The following CEP128 variants were observed in gnomAD, a reference collection of about 807,000 sequenced individuals.
The protein encoded by CEP128 is centrosomal protein 128kDa.
Under a neutral mutation model 156.7 loss-of-function variants are expected in CEP128, and 132 were observed. That is an observed-to-expected ratio of 0.84 (90% confidence interval 0.73 to 0.97). CEP128 has a LOEUF of 0.97. Ranked by LOEUF, CEP128 falls within the 50% of genes least tolerant of loss-of-function variation. The pLI, the probability that CEP128 is intolerant of heterozygous loss-of-function variation, is 0.00. For missense variants in CEP128, 1,252 were observed against 1,281.9 expected (o/e 0.98, Z 0.36); for synonymous variants, 469 against 448.9 (o/e 1.04, Z -0.57).
At chr14:80,939,325 T>C (rs901222664) in intron 2 of CEP128, 60 bp downstream of exon 2, 4 of 140,608 alleles carry the variant, frequency 2.8e-5, no homozygotes, top group Non-Finnish European at 6.3e-5. Flanking sequence ...CATAGTCTTT[T>C]CTACCATAAA....
At chr14:80,649,889 G>A (rs1018238033) in intron 19 of CEP128, among the ~76,000 whole-genome samples, 4 of 152,042 alleles carry the variant, frequency 2.6e-5, no homozygotes, top group African/African-American at 9.7e-5. Flanking sequence ...GGATTGTCTC[G>A]GCTATGTGGG....
chr14:80,494,985 T>G (rs372183077), downstream of CEP128, among the ~76,000 whole-genome samples: 6 of 152,194 alleles, frequency 3.9e-5, no homozygotes, highest in East Asian at 1.2e-3. Context: ...CCCAGCTGTG[T>G]TTCTCCCCCT....
intron 19 of CEP128, among the ~76,000 whole-genome samples, chr14:80,729,054 TGGG>T (rs543120613): frequency 4.0e-4 from 37 of 92,602 alleles, no homozygotes; most frequent in Non-Finnish European, 5.7e-4. Flanking sequence ...GCTGGGCTGG[TGGG>T]GGTGTGTGTG....
chr14:80,833,047 G>A (rs1024580622), intron 12 of CEP128, among the ~76,000 whole-genome samples: 1 of 152,078 alleles, frequency 6.6e-6, no homozygotes, highest in African/African-American at 2.4e-5. Flanking sequence ...ACAAAAACAG[G>A]TGGCAGTCTG....
At chr14:80,729,096 T>TGTGTGC (rs1898156704) in intron 19 of CEP128, among the ~76,000 whole-genome samples, 1 of 140,342 alleles carries the variant, frequency 7.1e-6, no homozygotes, top group South Asian at 2.3e-4. Flanking sequence ...TGTGTGTGTG[T>TGTGTGC]GTGTGTGTGT....
chr14:80,576,568 C>G (rs931658486), intron 20 of CEP128, among the ~76,000 whole-genome samples: 5 of 152,228 alleles, frequency 3.3e-5, no homozygotes, highest in African/African-American at 9.6e-5. Flanking sequence ...GGCTCCACCC[C>G]CCCTGCCGTT....
At chr14:80,547,204 T>C (rs764369463) in intron 21 of CEP128, among the ~76,000 whole-genome samples, 2 of 152,202 alleles carry the variant, frequency 1.3e-5, no homozygotes, top group Non-Finnish European at 2.9e-5. Flanking sequence ...AAAGTTGTTG[T>C]ATGAAACTCC....
intron 13 of CEP128, among the ~76,000 whole-genome samples, chr14:80,819,340 G>A (rs967909454): frequency 2.2e-5 from 3 of 139,528 alleles, no homozygotes; most frequent in Non-Finnish European, 3.0e-5. Context: ...TCCGTCTCCC[G>A]GGTTCATGCC....
At chr14:80,753,511 T>C (rs766067859) in intron 18 of CEP128, among the ~76,000 whole-genome samples, 2 of 152,208 alleles carry the variant, frequency 1.3e-5, no homozygotes, top group African/African-American at 4.8e-5. Flanking sequence ...AACAATAATG[T>C]AACATGTGGG....
chr14:80,616,632 G>T (rs998229463), intron 19 of CEP128, among the ~76,000 whole-genome samples: 4 of 152,128 alleles, frequency 2.6e-5, no homozygotes, highest in African/African-American at 9.7e-5. Context: ...GAAGGGTCAC[G>T]GAATATGTCC....
chr14:80,573,806 G>A (rs962720643), intron 20 of CEP128, among the ~76,000 whole-genome samples: 2 of 152,100 alleles, frequency 1.3e-5, no homozygotes, highest in African/African-American at 2.4e-5. Flanking sequence ...TTCACCTTTC[G>A]AGAAAATAGA....
intron 19 of CEP128, among the ~76,000 whole-genome samples, chr14:80,705,476 T>TG (rs1437987770): frequency 1.3e-5 from 2 of 152,118 alleles, no homozygotes; most frequent in Non-Finnish European, 2.9e-5. Flanking sequence ...ACAAAGAATG[T>TG]GGTGGCTTTA....
At chr14:80,507,915 T>A (rs1040171885) in intron 23 of CEP128, among the ~76,000 whole-genome samples, 2 of 152,050 alleles carry the variant, frequency 1.3e-5, no homozygotes, top group African/African-American at 2.4e-5. Flanking sequence ...AATAATTTAA[T>A]TTTTTTTGTT....
chr14:80,491,639 G>T (rs1030336873), downstream of CEP128, among the ~76,000 whole-genome samples: 1 of 152,122 alleles, frequency 6.6e-6, no homozygotes, highest in African/African-American at 2.4e-5. Context: ...AATCCAAAAT[G>T]ACAGACAAGC....
intron 23 of CEP128, among the ~76,000 whole-genome samples, chr14:80,521,153 T>C (rs1933311518): frequency 1.3e-5 from 2 of 152,070 alleles, no homozygotes; most frequent in African/African-American, 4.8e-5. Flanking sequence ...AGTGACTATT[T>C]TAAAGGAAAC....
chr14:80,557,121 C>T (rs2140359896), intron 21 of CEP128, among the ~76,000 whole-genome samples: 1 of 152,062 alleles, frequency 6.6e-6, no homozygotes, highest in South Asian at 2.1e-4. Context: ...TACCTTTATT[C>T]TTACGGGAAC....
At chr14:80,956,712 G>T (rs571161729) in intron 2 of CEP128, among the ~76,000 whole-genome samples, 22 of 152,264 alleles carry the variant, frequency 1.4e-4, no homozygotes, top group African/African-American at 5.3e-4. Context: ...TAAAGAAAAT[G>T]TTGATAGATG....
chr14:80,890,072 G>A (rs528402057), intron 8 of CEP128, among the ~76,000 whole-genome samples: 1 of 152,224 alleles, frequency 6.6e-6, no homozygotes, highest in Admixed American at 6.5e-5. Flanking sequence ...CAAAACCACA[G>A]TGAGATACCA....
chr14:80,513,503 C>A (rs897131122), intron 23 of CEP128, among the ~76,000 whole-genome samples: 1 of 151,982 alleles, frequency 6.6e-6, no homozygotes, highest in Non-Finnish European at 1.5e-5. Context: ...ATATTTATAT[C>A]TTTCGGTAGT....
Sources: allele counts gnomAD v4.1 joint callset (sites outside exome capture counted in the v4.1 genomes callset), GRCh38; gene constraint gnomAD v4.1.1; transcripts MANE v1.5; gene names NCBI Gene and HGNC (gene_info 2026-07-23, HGNC 2026-07-21).